B3GNT6: variants seen among roughly 807,000 people sequenced by gnomAD.
The protein encoded by B3GNT6 is UDP-GlcNAc:betaGal beta-1,3-N-acetylglucosaminyltransferase 6.
For missense variants in B3GNT6, 624 were observed against 568.6 expected (o/e 1.10, Z -0.99); for synonymous variants, 300 against 270.0 (o/e 1.11, Z -1.09).
In B3GNT6 at chr11:77,037,857, G is replaced by T. The variant is rs184944574; in HGVS notation, c.1-1695G>T. Among the ~76,000 whole-genome samples the T allele has an allele frequency of 8.9e-4, 124 of 139,548 alleles. 1 individual carries two copies. The highest frequency in any genetic ancestry group is 3.1e-3 in the African/African-American group (113 of 36,538). 91.5% of individuals were successfully genotyped at this position (139,548 alleles called of 152,430 possible). A position where few individuals can be genotyped will look rare whatever the true frequency, so the allele number is the denominator to read the frequency against. ...GAGCCTGGGAAGTGCGGACTGCAGT[G>T]AGCCACGATCACACCACTGCATTCC... On this transcript the variant is annotated intron_variant, in intron 1 of 1. Coordinates refer to ENST00000622824, the MANE Select transcript of B3GNT6 (RefSeq NM_138706.5).
At chr11:77,037,325 A>G (rs890884801) in intron 1 of B3GNT6, 7 of 152,164 alleles carry the variant, frequency 4.6e-5, no homozygotes, top group African/African-American at 1.7e-4. Context: ...TGCAGAAGAG[A>G]GAATCAACGG....
chr11:77,038,369 G>A, intron 1 of B3GNT6, among the ~76,000 whole-genome samples: 1 of 147,706 alleles, frequency 6.8e-6, no homozygotes, highest in East Asian at 2.0e-4. Flanking sequence ...AGACCAGACT[G>A]GGCAATATAG....
At position 77,040,267 on chromosome 11, in the gene B3GNT6, AGCCACCCGGCC is replaced by A. The variant is rs1949674418; in HGVS notation, c.723_733del (p.Gly242ValfsTer133). ...AACGTAGTCCGCTTCCTGCAGGCGC[AGCCACCCGGCC>A]GCCACCTGTTCTCCGGCCAGCTCAT... On this transcript the variant is annotated frameshift_variant, in exon 2 of 2. Coordinates refer to ENST00000622824, the MANE Select transcript of B3GNT6 (RefSeq NM_138706.5). LOFTEE classifies it low-confidence loss of function (END_TRUNC). 6 of 1,596,576 alleles carry A rather than the reference AGCCACCCGGCC, an allele frequency of 3.8e-6. No individual in the cohort carries two copies. The highest frequency in any genetic ancestry group is 5.1e-6 in the Non-Finnish European group (6 of 1,178,726).
At chr11:77,036,977 A>G (rs1949637260) in intron 1 of B3GNT6, among the ~76,000 whole-genome samples, 1 of 152,190 alleles carries the variant, frequency 6.6e-6, no homozygotes, top group Admixed American at 6.5e-5. Flanking sequence ...CCAGAGACTG[A>G]GTTCTTAAGT....
Position 77,039,634 on chromosome 11 carries a change from A to G in B3GNT6, c.83A>G (p.Gln28Arg), listed in dbSNP as rs1555027393. Reference sequence around the variant, plus strand: ...GGCGTGAGTTTCTTAGCACTGCAGCAGTGGTTCCTCCAGGCGCCAAGGTCC... The same window carrying G: ...GGCGTGAGTTTCTTAGCACTGCAGCGGTGGTTCCTCCAGGCGCCAAGGTCC... ...LVGVSFLALQ[Q>R]WFLQAPRSPR... Residue 28 changes from glutamine to arginine, a missense_variant, in exon 2 of 2, where the codon CAG becomes CGG. Physicochemically the swap from Gln to Arg is conservative, Grantham distance 43 (BLOSUM62 1). Transcript: ENST00000622824. The G allele has an allele frequency of 6.2e-7, 1 of 1,613,118 alleles. No individual in the cohort carries two copies. The highest frequency in any genetic ancestry group is 1.7e-5 in the Admixed American group (1 of 59,978).
rs1555027440 is a variant in B3GNT6 at position 77,039,741 on chromosome 11, C to G, written c.190C>G (p.Leu64Val). Reference protein sequence around the residue: ...APAADEPPSELVPGPPCVANA... With the variant: ...APAADEPPSEVVPGPPCVANA... ...CGCGGCTGACGAGCCGCCCTCGGAG[C>G]TCGTCCCCGGGCCCCCGTGCGTGGC... Residue 64 changes from leucine to valine, a missense_variant, in exon 2 of 2, where the codon CTC becomes GTC. By Grantham distance (32) the Leu-to-Val change is conservative. Transcript: ENST00000622824. The G allele has an allele frequency of 6.2e-7, 1 of 1,600,852 alleles. No individual in the cohort carries two copies. The highest frequency in any genetic ancestry group is 1.7e-5 in the Admixed American group (1 of 58,484).
Position 77,039,640 on chromosome 11 carries a change from T to C in B3GNT6, c.89T>C (p.Phe30Ser). 1.2e-6 allele frequency: 2 copies of C among 1,613,064 alleles called. No homozygotes were observed. Among genetic ancestry groups the C allele is most frequent in the Non-Finnish European group, 1.7e-6 (2 of 1,179,616 alleles). Reference sequence around the variant, plus strand: ...AGTTTCTTAGCACTGCAGCAGTGGTTCCTCCAGGCGCCAAGGTCCCCGCGG... The same window carrying C: ...AGTTTCTTAGCACTGCAGCAGTGGTCCCTCCAGGCGCCAAGGTCCCCGCGG... ...GVSFLALQQW[F>S]LQAPRSPREE... Residue 30 changes from phenylalanine (F) to serine (S), a missense_variant, in exon 2 of 2, where the codon TTC becomes TCC. Transcript: ENST00000622824.
intron 1 of B3GNT6, among the ~76,000 whole-genome samples, chr11:77,036,371 C>T (rs1298587537): frequency 6.6e-6 from 1 of 152,190 alleles, no homozygotes; most frequent in Non-Finnish European, 1.5e-5. Flanking sequence ...GCAGGGTTCT[C>T]ACACTTGCAT....
rs782165156 is a variant in B3GNT6 at position 77,039,811 on chromosome 11, C to A, written c.260C>A (p.Ala87Glu). 4.4e-6 allele frequency: 7 copies of A among 1,575,720 alleles called. No homozygotes were observed. The Admixed American group carries it at 1.1e-4, about 24-fold the overall frequency. The change falls in exon 2 of 2, where the codon GCG becomes GAG. Residue 87 changes from alanine (A) to glutamate (E), a missense_variant. By Grantham distance (107) the Ala-to-Glu change is moderately radical. Transcript: ENST00000622824. ...ACGGCCGACTTCGAGCAGCTGCCCGCGCGCATCCAGGACTTCCTGCGGTAC... is the reference window on the plus strand; with the variant it reads ...ACGGCCGACTTCGAGCAGCTGCCCGAGCGCATCCAGGACTTCCTGCGGTAC... ...NATADFEQLP[A>E]RIQDFLRYRH...
chr11:77,037,608 A>G (rs1949643003), intron 1 of B3GNT6, among the ~76,000 whole-genome samples: 1 of 151,920 alleles, frequency 6.6e-6, no homozygotes, highest in Admixed American at 6.6e-5. Context: ...GCCTTCCACT[A>G]TTAAAGGTTA....
In B3GNT6 at chr11:77,040,809, T is replaced by C. The variant is rs1238487523; in HGVS notation, c.*103T>C. 1.4e-6 allele frequency: 2 copies of C among 1,408,220 alleles called. No homozygotes were observed. Among genetic ancestry groups the C allele is most frequent in the Non-Finnish European group, 1.8e-6 (2 of 1,084,114 alleles). 87.2% of individuals were successfully genotyped at this position (1,408,220 alleles called of 1,614,324 possible). A position where few individuals can be genotyped will look rare whatever the true frequency, so the allele number is the denominator to read the frequency against. On this transcript the variant is annotated 3_prime_UTR_variant, in exon 2 of 2. Coordinates refer to ENST00000622824, the MANE Select transcript of B3GNT6 (RefSeq NM_138706.5). ...TACGTCCTGCCCAGCTCTGTGCACC[T>C]GAACCCCAGCTGCGCACTGAAATCA... is the stretch of plus-strand genomic sequence containing the variant.
chr11:77,039,924 T>A lies in B3GNT6; in HGVS notation c.373T>A (p.Ser125Thr). ...CGTGTTCCTGCTCCTGGCGGTGAAG[T>A]CGGCGCCTGAGCACTACGAGCGACG... ...RGVFLLLAVK[S>T]APEHYERREL... Residue 125 changes from serine to threonine, a missense_variant, in exon 2 of 2, where the codon TCG becomes ACG. Physicochemically the swap from Ser to Thr is moderately conservative, Grantham distance 58 (BLOSUM62 1). Coordinates refer to ENST00000622824, the MANE Select transcript of B3GNT6 (RefSeq NM_138706.5). 6.3e-7 allele frequency: 1 copy of A among 1,592,870 alleles called. No homozygotes were observed. The highest frequency in any genetic ancestry group is 8.5e-7 in the Non-Finnish European group (1 of 1,176,998).
rs542049727 is a variant in B3GNT6 at position 77,035,108 on chromosome 11, G to A, written c.-1+630G>A. Among the ~76,000 whole-genome samples, 57 of 152,198 alleles carry A rather than the reference G, an allele frequency of 3.7e-4. No homozygotes were observed. The South Asian group carries it at 0.011, about 28-fold the overall frequency. On this transcript the variant is annotated intron_variant, in intron 1 of 1. Coordinates refer to ENST00000622824, the MANE Select transcript of B3GNT6 (RefSeq NM_138706.5). Reference sequence around the variant, plus strand: ...CGGGAGCCTGAGGTTGCACTGAGTCGAGAAAAAGAAAAAGAAAGGGGAATT... The same window carrying A: ...CGGGAGCCTGAGGTTGCACTGAGTCAAGAAAAAGAAAAAGAAAGGGGAATT...
chr11:77,037,233 A>G (rs1949640000), intron 1 of B3GNT6: 1 of 152,200 alleles, frequency 6.6e-6, no homozygotes, highest in African/African-American at 2.4e-5. Flanking sequence ...ACCAAGCAGG[A>G]CGCTACTTCA....
rs1949681797 is a variant in B3GNT6 at position 77,040,819 on chromosome 11, C to T, written c.*113C>T. On this transcript the variant is annotated 3_prime_UTR_variant, in exon 2 of 2. Coordinates refer to ENST00000622824, the MANE Select transcript of B3GNT6 (RefSeq NM_138706.5). Reference sequence around the variant, plus strand: ...CCAGCTCTGTGCACCTGAACCCCAGCTGCGCACTGAAATCAGCTGGGGTGG... The same window carrying T: ...CCAGCTCTGTGCACCTGAACCCCAGTTGCGCACTGAAATCAGCTGGGGTGG... The T allele has an allele frequency of 2.9e-6, 4 of 1,391,044 alleles. No individual in the cohort carries two copies. Among genetic ancestry groups the T allele is most frequent in the Non-Finnish European group, 3.7e-6 (4 of 1,072,394 alleles). 86.2% of individuals were successfully genotyped at this position (1,391,044 alleles called of 1,614,324 possible). A position where few individuals can be genotyped will look rare whatever the true frequency, so the allele number is the denominator to read the frequency against.
At position 77,039,729 on chromosome 11, in the gene B3GNT6, C is replaced by T; in HGVS notation, c.178C>T (p.Pro60Ser). 6.2e-7 allele frequency: 1 copy of T among 1,604,410 alleles called. No homozygotes were observed. The highest frequency in any genetic ancestry group is 1.1e-5 in the South Asian group (1 of 90,584). The change falls in exon 2 of 2, where the codon CCG becomes TCG. Residue 60 changes from proline (P) to serine (S), a missense_variant. By Grantham distance (74) the Pro-to-Ser change is moderately conservative (BLOSUM62 -1). Transcript: ENST00000622824. ...CACCGACGCTCCCGCGGCTGACGAGCCGCCCTCGGAGCTCGTCCCCGGGCC... is the reference window on the plus strand; with the variant it reads ...CACCGACGCTCCCGCGGCTGACGAGTCGCCCTCGGAGCTCGTCCCCGGGCC... ...GPTDAPAADE[P>S]PSELVPGPPC... is the part of the protein sequence containing the mutation.
chr11:77,036,860 G>A (rs1438172885), intron 1 of B3GNT6, among the ~76,000 whole-genome samples: 1 of 152,158 alleles, frequency 6.6e-6, no homozygotes, highest in East Asian at 1.9e-4. Flanking sequence ...AGCCTAGGAG[G>A]GAAGATAATC....
Position 77,040,179 on chromosome 11 carries a change from GCACGC to G in B3GNT6, c.629_633del (p.Ala210ValfsTer167). 6.3e-7 allele frequency: 1 copy of G among 1,599,354 alleles called. No individual in the cohort carries two copies. The highest frequency in any genetic ancestry group is 8.5e-7 in the Non-Finnish European group (1 of 1,179,456). On this transcript the variant is annotated frameshift_variant, in exon 2 of 2. Coordinates refer to ENST00000622824, the MANE Select transcript of B3GNT6 (RefSeq NM_138706.5). LOFTEE classifies it low-confidence loss of function (END_TRUNC). ...CCTGCACTTGCTCGACTGGCTGGCT[GCACGC>G]TGCCCGCACGCGCGCTTTCTGCTCA...
chr11:77,040,694 C>T lies in B3GNT6; in HGVS notation c.1143C>T (p.His381=). Residue 381 remains histidine (H), a synonymous_variant, in exon 2 of 2, where the codon CAC becomes CAT. Coordinates refer to ENST00000622824, the MANE Select transcript of B3GNT6 (RefSeq NM_138706.5). ...HSPALSCDRG[H]RVS ...CCGCGCTCAGCTGTGACCGGGGACA[C>T]CGGGTCTCCTGAGGCCAGTTGGGCG... 10 of 1,579,970 alleles carry T rather than the reference C, an allele frequency of 6.3e-6. No individual in the cohort carries two copies. The highest frequency in any genetic ancestry group is 7.7e-6 in the Non-Finnish European group (9 of 1,168,068).
Sources: gnomAD v4.1 joint callset for allele counts (sites outside exome capture counted in the v4.1 genomes callset) on GRCh38, gnomAD v4.1.1 for gene constraint, MANE v1.5 for transcripts, NCBI Gene and HGNC (gene_info 2026-07-23, HGNC 2026-07-21) for gene names.